Variants in CALD1 observed in about 807,000 individuals in gnomAD.
CALD1 encodes caldesmon 1.
A neutral mutation model predicts 99.9 loss-of-function variants in CALD1; 33 were observed. The ratio of observed to expected loss-of-function variants is 0.33; its 90% CI spans 0.25 to 0.44. The LOEUF is 0.44. Among genes scored for constraint, CALD1 ranks in the 20% least tolerant of loss-of-function variants. CALD1 has a pLI of 1.00. For synonymous variants in CALD1, 310 were observed against 325.0 expected (o/e 0.95, Z 0.50); for missense variants, 861 against 962.1 (o/e 0.89, Z 1.39).
At chr7:134,871,574 C>G (rs1286616391) in intron 3 of CALD1, among the ~76,000 whole-genome samples, 1 of 152,150 alleles carries the variant, frequency 6.6e-6, no homozygotes, top group Non-Finnish European at 1.5e-5. Context: ...TTTGTATCCT[C>G]AAACATAACA....
intron 3 of CALD1, among the ~76,000 whole-genome samples, chr7:134,893,906 C>A (rs578100254): frequency 2.0e-4 from 31 of 152,216 alleles, no homozygotes; most frequent in African/African-American, 6.7e-4. Context: ...GAGAAGTACA[C>A]AATTTTCATC....
intron 1 of CALD1, among the ~76,000 whole-genome samples, chr7:134,759,461 G>A (rs1796758266): frequency 6.6e-6 from 1 of 152,196 alleles, no homozygotes; most frequent in Non-Finnish European, 1.5e-5. Context: ...CAGATACGGA[G>A]GAACAGTGCT....
In CALD1 at chr7:134,952,473, C is replaced by CTTT. The variant is rs747660510; in HGVS notation, c.1935+1972_1935+1974dup. Among the ~76,000 whole-genome samples, 11 of 140,940 alleles carry CTTT rather than the reference C, an allele frequency of 7.8e-5. 2 individuals carry two copies. Among genetic ancestry groups the CTTT allele is most frequent in the Non-Finnish European group, 1.1e-4 (7 of 64,344 alleles). The allele number at this position is 140,940 out of a possible 152,430, so 92.5% of individuals were successfully genotyped here. A position where few individuals can be genotyped will look rare whatever the true frequency, so the allele number is the denominator to read the frequency against. On this transcript the variant is annotated intron_variant, in intron 9 of 14. Coordinates refer to ENST00000361675, the MANE Select transcript of CALD1 (RefSeq NM_033138.4). ...TAATCCCCAAATAACTTCCCTTAGT[C>CTTT]TTTTTTTTTTTTTTTGAGATAGAGT...
intron 7 of CALD1, 59 bp downstream of exon 7, chr7:134,941,296 AAGTC>A (rs1018806628): frequency 1.4e-6 from 2 of 1,385,454 alleles, no homozygotes; most frequent in African/African-American, 1.5e-5. Context: ...AAAAAAAAAA[AAGTC>A]AGTCTTCCCA....
In CALD1 at chr7:134,748,245, C is replaced by A. The variant is rs1431717271; in HGVS notation, c.-130+3882C>A. ...ATCGTTTTATTTTGGAAGCACTTAACATGTTTAATTTTAAAGGTTCACAGC... is the reference window on the plus strand; with the variant it reads ...ATCGTTTTATTTTGGAAGCACTTAAAATGTTTAATTTTAAAGGTTCACAGC... On this transcript the variant is annotated intron_variant, in intron 1 of 13. Coordinates refer to the CALD1 transcript ENST00000417172. Among the ~76,000 whole-genome samples, 5 of 152,218 alleles carry A rather than the reference C, an allele frequency of 3.3e-5. No individual in the cohort carries two copies. The East Asian group carries it at 9.6e-4, about 29-fold the overall frequency.
intron 9 of CALD1, among the ~76,000 whole-genome samples, chr7:134,953,083 T>C (rs183974169): frequency 2.6e-5 from 4 of 152,360 alleles, no homozygotes; most frequent in Non-Finnish European, 2.9e-5. Flanking sequence ...GCTTTATTTA[T>C]AAACTCTGAA....
intron 2 of CALD1, among the ~76,000 whole-genome samples, chr7:134,846,501 T>G (rs1799859833): frequency 6.6e-6 from 1 of 152,240 alleles, no homozygotes; most frequent in Non-Finnish European, 1.5e-5. Context: ...TGGGCTGAAT[T>G]TCCCTAATTT....
intron 1 of CALD1, among the ~76,000 whole-genome samples, chr7:134,756,272 CAAAA>C (rs36011477): frequency 1.3e-5 from 1 of 76,866 alleles, no homozygotes; most frequent in South Asian, 5.6e-4. Context: ...GACTTTGTCT[CAAAA>C]AAAAAAAAAA....
At chr7:134,752,422 T>G (rs17168016) in intron 1 of CALD1, among the ~76,000 whole-genome samples, 19,804 of 152,270 alleles carry the variant, frequency 0.13, 1,530 homozygotes, top group Non-Finnish European at 0.17. Context: ...AAGTTTAGCT[T>G]CTTCTCATCA....
rs147075865 is a variant in CALD1 at position 134,783,310 on chromosome 7, C to A, written c.-130+3561C>A. On this transcript the variant is annotated intron_variant, in intron 1 of 14. Transcript: ENST00000361675. This position sits in a 1 kb window ranked among gnomAD's most constrained non-coding sequence, Gnocchi z 4.3. ...ACCCCCAGGCCTCCACCTGTAACCTCTTCCCCAGCTCCCCCATCCCTGTAC... is the reference window on the plus strand; with the variant it reads ...ACCCCCAGGCCTCCACCTGTAACCTATTCCCCAGCTCCCCCATCCCTGTAC... Among the ~76,000 whole-genome samples, 23 of 152,342 alleles carry A rather than the reference C, an allele frequency of 1.5e-4. No individual in the cohort carries two copies. Among genetic ancestry groups the A allele is most frequent in the African/African-American group, 5.5e-4 (23 of 41,568 alleles).
intron 9 of CALD1, among the ~76,000 whole-genome samples, chr7:134,955,302 C>T (rs1236067608): frequency 6.6e-6 from 1 of 152,194 alleles, no homozygotes; most frequent in Non-Finnish European, 1.5e-5. Flanking sequence ...GCAGAAGAAT[C>T]ACTTGAACCC....
At chr7:134,915,411 T>C (rs1804133549) in intron 3 of CALD1, among the ~76,000 whole-genome samples, 1 of 152,244 alleles carries the variant, frequency 6.6e-6, no homozygotes, top group Non-Finnish European at 1.5e-5. Context: ...TCTTCACCAC[T>C]GAAGCAGTTC....
At chr7:134,911,436 G>T (rs116203505) in intron 3 of CALD1, among the ~76,000 whole-genome samples, 2 of 152,108 alleles carry the variant, frequency 1.3e-5, no homozygotes, top group East Asian at 3.9e-4. Context: ...ACCTTCTCCC[G>T]CCTCTGTTAC....
chr7:134,830,636 C>G (rs1255399131), intron 1 of CALD1, among the ~76,000 whole-genome samples: 2 of 152,088 alleles, frequency 1.3e-5, no homozygotes, highest in Non-Finnish European at 2.9e-5. Flanking sequence ...TCATTTAACT[C>G]CCACTTATAA....
chr7:134,882,168 T>A (rs1005997802), intron 3 of CALD1, among the ~76,000 whole-genome samples: 12 of 152,186 alleles, frequency 7.9e-5, no homozygotes, highest in African/African-American at 2.9e-4. Context: ...CTGTGACAAA[T>A]GTGCTAAGCT....
chr7:134,939,143 T>C (rs1042795362), intron 6 of CALD1, among the ~76,000 whole-genome samples: 2 of 152,184 alleles, frequency 1.3e-5, no homozygotes, highest in Non-Finnish European at 2.9e-5. Flanking sequence ...AATGAGAATA[T>C]ATTTTGTTTC....
Position 134,813,768 on chromosome 7 carries a change from A to G in CALD1, c.-129-30116A>G, listed in dbSNP as rs147310553. Reference sequence around the variant, plus strand: ...AAGGACCCAGTTGACATTACTGGTAACAAATTTTAAGTAAAAGCACTTAGC... The same window carrying G: ...AAGGACCCAGTTGACATTACTGGTAGCAAATTTTAAGTAAAAGCACTTAGC... On this transcript the variant is annotated intron_variant, in intron 1 of 14. Coordinates refer to ENST00000361675, the MANE Select transcript of CALD1 (RefSeq NM_033138.4). Among the ~76,000 whole-genome samples, 95 of 152,320 alleles carry G rather than the reference A, an allele frequency of 6.2e-4. 1 individual carries two copies. The highest frequency in any genetic ancestry group is 2.1e-3 in the African/African-American group (89 of 41,578).
At chr7:134,828,518 T>C (rs1434073344) in intron 1 of CALD1, among the ~76,000 whole-genome samples, 1 of 152,208 alleles carries the variant, frequency 6.6e-6, no homozygotes, top group Non-Finnish European at 1.5e-5. Flanking sequence ...ATCTGTTCCA[T>C]AATTGTCCAA....
At chr7:134,824,486 T>C (rs1474573888) in intron 1 of CALD1, among the ~76,000 whole-genome samples, 5 of 152,190 alleles carry the variant, frequency 3.3e-5, no homozygotes, top group Admixed American at 2.0e-4. Context: ...CTTCTTCTTC[T>C]TCCTCTTCTT....
Sources: allele counts gnomAD v4.1 joint callset (sites outside exome capture counted in the v4.1 genomes callset), GRCh38; gene constraint gnomAD v4.1.1; non-coding constraint Gnocchi (gnomAD v3.1); transcripts MANE v1.5; gene names NCBI Gene and HGNC (gene_info 2026-07-23, HGNC 2026-07-21).